DHX8: variants seen among roughly 807,000 people sequenced by gnomAD.
DHX8 encodes the protein ATP-dependent RNA helicase DHX8.
Under a neutral mutation model 140.7 loss-of-function variants are expected in DHX8, and 67 were observed. That is an observed-to-expected ratio of 0.48 (90% CI 0.39 to 0.58). DHX8 has a LOEUF of 0.58. Ranked by LOEUF, DHX8 falls within the 20% of genes least tolerant of loss-of-function variation. The probability of loss-of-function intolerance (pLI) is 0.00; values close to 1 mark genes in which losing one functional copy is unlikely to be tolerated. For synonymous variants in DHX8, 533 were observed against 553.2 expected, an observed-to-expected ratio of 0.96 and a Z score of 0.51; for missense variants, 887 against 1,550.7, an observed-to-expected ratio of 0.57 and a Z score of 7.19.
At chr17:43,487,483 A>G (rs1339141022) in intron 1 of DHX8, among the ~76,000 whole-genome samples, 2 of 152,198 alleles carry the variant, frequency 1.3e-5, no homozygotes, top group South Asian at 2.1e-4. Context: ...ACTCCCGAGT[A>G]GCTAGGACTA....
At chr17:43,517,997 C>T (rs1008859641) in intron 18 of DHX8, 1 of 152,170 alleles carries the variant, frequency 6.6e-6, no homozygotes, top group Non-Finnish European at 1.5e-5. Context: ...AAACCTACTC[C>T]AGTCTCTGAA....
chr17:43,533,658 G>C (rs1183685635), intron 2 of DHX8, among the ~76,000 whole-genome samples: 1 of 152,130 alleles, frequency 6.6e-6, no homozygotes, highest in African/African-American at 2.4e-5. Flanking sequence ...TCTGGCCTCA[G>C]TATATATTCC....
At chr17:43,509,092 T>C (rs1969657524) in intron 16 of DHX8, among the ~76,000 whole-genome samples, 1 of 152,206 alleles carries the variant, frequency 6.6e-6, no homozygotes, top group African/African-American at 2.4e-5. Flanking sequence ...GGAGCTGCAT[T>C]GTGAGAACAA....
Position 43,524,188 on chromosome 17 carries a change from G to A in DHX8, c.*341G>A. ...TGAGCATCTTGTGCAGGGACATGGTGAGTGCCCTGATGCCCCAGCTAGCAG... is the reference window on the plus strand; with the variant it reads ...TGAGCATCTTGTGCAGGGACATGGTAAGTGCCCTGATGCCCCAGCTAGCAG... On this transcript the variant is annotated 3_prime_UTR_variant, in exon 23 of 23. Coordinates refer to ENST00000262415, the MANE Select transcript of DHX8 (RefSeq NM_004941.3). 1 of 1,160,960 alleles carries A rather than the reference G, an allele frequency of 8.6e-7. No homozygotes were observed. The highest frequency in any genetic ancestry group is 1.1e-6 in the Non-Finnish European group (1 of 934,236). The allele number at this position is 1,160,960 out of a possible 1,614,324, so 71.9% of individuals were successfully genotyped here.
downstream of DHX8, chr17:43,530,248 A>G: frequency 6.5e-7 from 1 of 1,544,736 alleles, no homozygotes; most frequent in Non-Finnish European, 8.8e-7. Context: ...GGGAGGAGGA[A>G]GTCCTATCCA....
rs1970587621 is a variant in DHX8 at position 43,525,634 on chromosome 17, GTTTTGT to G, written c.*1801_*1806del. 4 of 985,442 alleles carry G rather than the reference GTTTTGT, an allele frequency of 4.1e-6. No individual in the cohort carries two copies. The highest frequency in any genetic ancestry group is 4.8e-6 in the Non-Finnish European group (4 of 829,972). 61.0% of individuals were successfully genotyped at this position (985,442 alleles called of 1,614,324 possible). A position where few individuals can be genotyped will look rare whatever the true frequency, so the allele number is the denominator to read the frequency against. Reference sequence around the variant, plus strand: ...ACTGGGCACCCACCTCCCCAATCTCGTTTTGTTTTTGTTTTTGTTAAGACAGGATCT... The same window carrying G: ...ACTGGGCACCCACCTCCCCAATCTCGTTTTGTTTTTGTTAAGACAGGATCT... On this transcript the variant is annotated 3_prime_UTR_variant, in exon 23 of 23. Transcript: ENST00000262415.
intron 3 of DHX8, 33 bp downstream of exon 3, chr17:43,490,496 A>T (rs770650102): frequency 6.4e-7 from 1 of 1,553,108 alleles, no homozygotes; most frequent in African/African-American, 1.4e-5. Flanking sequence ...CTTAGCTTCT[A>T]GAATGGTGTA....
chr17:43,525,530 A>G lies in DHX8; in HGVS notation c.*1683A>G. 1.0e-6 allele frequency: 1 copy of G among 985,438 alleles called. No individual in the cohort carries two copies. Among genetic ancestry groups the G allele is most frequent in the Non-Finnish European group, 1.2e-6 (1 of 829,970 alleles). The allele number at this position is 985,438 out of a possible 1,614,324, so 61.0% of individuals were successfully genotyped here. A position where few individuals can be genotyped will look rare whatever the true frequency, so the allele number is the denominator to read the frequency against. On this transcript the variant is annotated 3_prime_UTR_variant, in exon 23 of 23. Transcript: ENST00000262415. ...CAGGCCAGTAATCAAGGGGCAGGGCATTGTTGTGTGTTAACCTTGAAGGCC... is the reference window on the plus strand; with the variant it reads ...CAGGCCAGTAATCAAGGGGCAGGGCGTTGTTGTGTGTTAACCTTGAAGGCC...
chr17:43,532,963 G>A lies in DHX8; in HGVS notation c.351-3449G>A, dbSNP rs762624861. ...AGCTGGATGTGGTTGGATGGAGAAG[G>A]AAGAGAAGAGAACTTTAAATTAATC... On this transcript the variant is annotated intron_variant, in intron 2 of 3. Transcript: ENST00000589898. 141 of 1,537,752 alleles carry A rather than the reference G, an allele frequency of 9.2e-5. 1 individual carries two copies. Among genetic ancestry groups the A allele is most frequent in the Middle Eastern group, 5.3e-4 (3 of 5,710 alleles).
At chr17:43,528,879 C>T, downstream of DHX8, 1 of 728,954 alleles carries the variant, frequency 1.4e-6, no homozygotes, top group East Asian at 2.7e-5. Flanking sequence ...ATGCTGGTTC[C>T]TGAGAAGCTG....
At chr17:43,509,274 T>C (rs1407140829) in intron 16 of DHX8, among the ~76,000 whole-genome samples, 1 of 152,114 alleles carries the variant, frequency 6.6e-6, no homozygotes, top group African/African-American at 2.4e-5. Flanking sequence ...ACAAGCATTC[T>C]AAGGACACAG....
At chr17:43,486,290 A>G (rs1968141306) in intron 1 of DHX8, among the ~76,000 whole-genome samples, 1 of 150,842 alleles carries the variant, frequency 6.6e-6, no homozygotes, top group Non-Finnish European at 1.5e-5. Context: ...ACAGAAAGGC[A>G]TATATTTGCT....
intron 13 of DHX8, 149 bp from the exon 14 acceptor site, chr17:43,507,354 C>T (rs908854477): frequency 1.9e-6 from 2 of 1,077,176 alleles, no homozygotes; most frequent in Non-Finnish European, 2.7e-6. Context: ...AGAGTATAGT[C>T]TAAGACATAC....
At chr17:43,521,698 CT>C in intron 21 of DHX8, 133 bp downstream of exon 21, 1 of 850,602 alleles carries the variant, frequency 1.2e-6, no homozygotes, top group Non-Finnish European at 1.8e-6. Context: ...TTTCCTCCAG[CT>C]TTTCCATCTT....
chr17:43,518,346 C>A (rs1033942709), intron 18 of DHX8: 1 of 152,058 alleles, frequency 6.6e-6, no homozygotes, highest in African/African-American at 2.4e-5. Context: ...TCAGTCGTTT[C>A]TTTTATTCAT....
At chr17:43,519,499 T>C in intron 18 of DHX8, 1 of 146,744 alleles carries the variant, frequency 6.8e-6, no homozygotes, top group East Asian at 2.0e-4. Flanking sequence ...TATTGTCATT[T>C]TGAGAGAGTG....
At chr17:43,529,057 C>T, downstream of DHX8, 1 of 1,344,828 alleles carries the variant, frequency 7.4e-7, no homozygotes, top group Non-Finnish European at 1.1e-6. Context: ...CTGAGAACTG[C>T]CCTGCTGACC....
intron 16 of DHX8, 80 bp downstream of exon 16, chr17:43,508,600 C>G: frequency 1.1e-6 from 1 of 893,620 alleles, no homozygotes; most frequent in Non-Finnish European, 1.7e-6. Context: ...GTAGGGATTG[C>G]TTAGGGTGTA....
At chr17:43,495,909 G>A (rs1043303809) in intron 8 of DHX8, among the ~76,000 whole-genome samples, 1 of 152,060 alleles carries the variant, frequency 6.6e-6, no homozygotes, top group Non-Finnish European at 1.5e-5. Context: ...GACCAGCCTG[G>A]ACAAGTAGTG....
Sources: gnomAD v4.1 joint callset for allele counts (sites outside exome capture counted in the v4.1 genomes callset) on GRCh38, gnomAD v4.1.1 for gene constraint, MANE v1.5 for transcripts, NCBI Gene and HGNC (gene_info 2026-07-23, HGNC 2026-07-21) for gene names.